The following SNX29 variants were observed in gnomAD, a reference collection of about 807,000 sequenced individuals.
The protein encoded by SNX29 is sorting nexin-29.
SNX29 carries 78 observed loss-of-function variants against 102.1 expected under a neutral mutation model. The observed-to-expected ratio is 0.76, with a 90% CI of 0.64 to 0.92. SNX29 has a LOEUF of 0.92. SNX29 is among the 40% of genes least tolerant of loss of function. The pLI is 0.00. For synonymous variants in SNX29, 580 were observed against 414.5 expected, an observed-to-expected ratio of 1.40 and a Z score of -4.85; for missense variants, 1,280 against 1,061.7, an observed-to-expected ratio of 1.21 and a Z score of -2.86.
intron 1 of SNX29, among the ~76,000 whole-genome samples, chr16:11,981,482 C>T (rs867055300): frequency 9.9e-5 from 15 of 152,102 alleles, no homozygotes; most frequent in African/African-American, 3.1e-4. Context: ...CTCTCCTTTT[C>T]CCCCTTGCAT....
At chr16:12,469,415 A>T (rs1171011727) in intron 18 of SNX29, among the ~76,000 whole-genome samples, 1 of 152,264 alleles carries the variant, frequency 6.6e-6, no homozygotes, top group Non-Finnish European at 1.5e-5. Context: ...GAACCAAAAC[A>T]CAAATCATTT....
rs1463665876 is a variant in SNX29, at chr16:12,572,667, C to G, written c.*4038C>G. On this transcript the variant is annotated 3_prime_UTR_variant, in exon 21 of 21. Transcript: ENST00000566228. ...CACCAAGCTCCTGTGTGAGCTGCAG[C>G]ACCCACACGGGGGAAGCCCTGCACT... 1 of 1,063,848 alleles carries G rather than the reference C, an allele frequency of 9.4e-7. No individual in the cohort carries two copies. Among genetic ancestry groups the G allele is most frequent in the African/African-American group, 1.6e-5 (1 of 60,946 alleles). The allele number at this position is 1,063,848 out of a possible 1,614,324, so 65.9% of individuals were successfully genotyped here. A position where few individuals can be genotyped will look rare whatever the true frequency, so the allele number is the denominator to read the frequency against.
intron 20 of SNX29, among the ~76,000 whole-genome samples, chr16:12,548,146 C>T (rs566218619): frequency 6.6e-6 from 1 of 152,180 alleles, no homozygotes; most frequent in Non-Finnish European, 1.5e-5. Flanking sequence ...TATCCCTGTT[C>T]ATTCTTCATC....
chr16:12,502,469 A>C (rs1433098634), intron 19 of SNX29, among the ~76,000 whole-genome samples: 2 of 151,894 alleles, frequency 1.3e-5, no homozygotes, highest in African/African-American at 4.8e-5. Flanking sequence ...AACATTTGAG[A>C]TTTCCTGACC....
chr16:12,325,582 A>G (rs1291004516), intron 15 of SNX29, among the ~76,000 whole-genome samples: 1 of 152,220 alleles, frequency 6.6e-6, no homozygotes, highest in Non-Finnish European at 1.5e-5. Context: ...AGTGAAGCAG[A>G]TAAAATGCAT....
chr16:12,261,222 A>T (rs1189704624), intron 14 of SNX29, among the ~76,000 whole-genome samples: 1 of 131,794 alleles, frequency 7.6e-6, no homozygotes, highest in Non-Finnish European at 1.6e-5. Context: ...GGCTGGAGTG[A>T]GTGTTTGCTG....
chr16:12,434,279 A>G (rs943572981), intron 18 of SNX29, among the ~76,000 whole-genome samples: 1 of 152,204 alleles, frequency 6.6e-6, no homozygotes, highest in South Asian at 2.1e-4. Flanking sequence ...GTGTGTACAA[A>G]GTAGTAAGCT....
At chr16:12,555,529 TCTCTGGG>T (rs1567190833) in intron 20 of SNX29, among the ~76,000 whole-genome samples, 4 of 151,352 alleles carry the variant, frequency 2.6e-5, no homozygotes, top group Admixed American at 2.0e-4. Flanking sequence ...GCGCCCCTGC[TCTCTGGG>T]AGGTCATACC....
intron 18 of SNX29, among the ~76,000 whole-genome samples, chr16:12,429,597 A>T (rs1415528864): frequency 6.6e-6 from 1 of 151,974 alleles, no homozygotes; most frequent in Admixed American, 6.6e-5. Context: ...TTAACGTGAG[A>T]TTTTTCTCAT....
At chr16:12,537,565 A>G (rs1321551825) in intron 20 of SNX29, among the ~76,000 whole-genome samples, 1 of 152,214 alleles carries the variant, frequency 6.6e-6, no homozygotes, top group Non-Finnish European at 1.5e-5. Context: ...AAGGGAAGCA[A>G]TTTTGACTTT....
chr16:12,114,158 G>T (rs1348797125), intron 11 of SNX29, among the ~76,000 whole-genome samples: 1 of 152,182 alleles, frequency 6.6e-6, no homozygotes, highest in Non-Finnish European at 1.5e-5. Flanking sequence ...TATGAGCTGT[G>T]ACTCATTTGG....
chr16:12,148,908 G>C (rs375562527), intron 13 of SNX29, among the ~76,000 whole-genome samples: 1 of 151,932 alleles, frequency 6.6e-6, no homozygotes, highest in African/African-American at 2.4e-5. Flanking sequence ...CTCCATGTTT[G>C]TCAGGCTGGT....
intron 20 of SNX29, among the ~76,000 whole-genome samples, chr16:12,538,815 G>C (rs1341631057): frequency 3.9e-5 from 6 of 152,330 alleles, no homozygotes; most frequent in African/African-American, 1.2e-4. Context: ...ACCAGAGTCA[G>C]TGGGAGGGCA....
chr16:12,004,904 A>T (rs2056404767), intron 3 of SNX29, among the ~76,000 whole-genome samples: 1 of 152,176 alleles, frequency 6.6e-6, no homozygotes, highest in South Asian at 2.1e-4. Context: ...ACCTGTCACT[A>T]TAATGTCGGC....
chr16:12,384,296 A>T lies in SNX29; in HGVS notation c.1900-14150A>T, dbSNP rs570399121. 2.7e-4 allele frequency among the ~76,000 whole-genome samples: 41 copies of T among 152,222 alleles called. No homozygotes were observed. The South Asian group carries it at 8.5e-3, about 32-fold the overall frequency. ...TTTTTAGTTTTTTGAGAAACGTCCA[A>T]ATTTTCTCCACAGTGGTTGTGTGAA... On this transcript the variant is annotated intron_variant, in intron 16 of 20. Transcript: ENST00000566228.
intron 17 of SNX29, among the ~76,000 whole-genome samples, chr16:12,402,368 C>T (rs2083980062): frequency 1.3e-5 from 2 of 152,168 alleles, no homozygotes; most frequent in African/African-American, 2.4e-5. Context: ...TGTTCCAAGC[C>T]CAGAAGGCTG....
chr16:12,419,689 C>T (rs892914796), intron 18 of SNX29, among the ~76,000 whole-genome samples: 1 of 152,082 alleles, frequency 6.6e-6, no homozygotes, highest in Non-Finnish European at 1.5e-5. Flanking sequence ...TCCATGCTGC[C>T]CCCAGGGGAA....
intron 20 of SNX29, among the ~76,000 whole-genome samples, chr16:12,539,693 A>T (rs902889311): frequency 6.6e-6 from 1 of 152,222 alleles, no homozygotes; most frequent in Non-Finnish European, 1.5e-5. Context: ...CCTGGGCAGC[A>T]TGTCATACTG....
chr16:12,080,654 A>T (rs997826121), intron 11 of SNX29, among the ~76,000 whole-genome samples: 3 of 151,246 alleles, frequency 2.0e-5, no homozygotes, highest in Non-Finnish European at 4.4e-5. Flanking sequence ...CGCTGGGATG[A>T]CAGGCATGAG....
Sources: allele counts gnomAD v4.1 joint callset (sites outside exome capture counted in the v4.1 genomes callset), GRCh38; gene constraint gnomAD v4.1.1; transcripts MANE v1.5; gene names NCBI Gene and HGNC (gene_info 2026-07-23, HGNC 2026-07-21).